The following SNTG2 variants were observed in gnomAD, a reference collection of about 807,000 sequenced individuals.
The protein encoded by SNTG2 is gamma-2-syntrophin.
SNTG2 carries 74 observed loss-of-function variants against 70.9 expected under a neutral mutation model. That is an observed-to-expected ratio of 1.04 (90% CI 0.86 to 1.27). The LOEUF (loss-of-function observed/expected upper bound fraction) is 1.27, where lower values mean the gene tolerates loss of function less well. Among genes scored for constraint, SNTG2 ranks in the 50% most tolerant of loss-of-function variants. The pLI, the probability that SNTG2 is intolerant of heterozygous loss-of-function variation, is 0.00. For synonymous variants in SNTG2, 278 were observed against 273.8 expected (o/e 1.02, Z -0.15); for missense variants, 717 against 690.7 (o/e 1.04, Z -0.43).
intron 16 of SNTG2, among the ~76,000 whole-genome samples, chr2:1,347,972 C>CTT (rs757179638): frequency 1.4e-4 from 21 of 145,920 alleles, no homozygotes; most frequent in African/African-American, 4.0e-4. Context: ...GAAACTGCCT[C>CTT]TTTTTTTTTT....
At chr2:1,127,909 A>G (rs34767833) in intron 4 of SNTG2, among the ~76,000 whole-genome samples, 3,033 of 152,262 alleles carry the variant, frequency 0.02, 50 homozygotes, top group Non-Finnish European at 0.034. Flanking sequence ...AAAAGGGACA[A>G]TTTGACTTCC....
intron 1 of SNTG2, among the ~76,000 whole-genome samples, chr2:1,024,451 C>T (rs1660365122): frequency 6.6e-6 from 1 of 152,134 alleles, no homozygotes; most frequent in Non-Finnish European, 1.5e-5. Context: ...CTCACTGTAG[C>T]CTTGGCCACC....
intron 4 of SNTG2, among the ~76,000 whole-genome samples, chr2:1,132,161 A>G (rs1186020988): frequency 1.3e-5 from 2 of 151,404 alleles, no homozygotes; most frequent in Non-Finnish European, 2.9e-5. Context: ...ATAAAATTAG[A>G]GCTTATTTAA....
rs534174083 is a variant in SNTG2, at chr2:970,828, C to T, written c.72+19760C>T. On this transcript the variant is annotated intron_variant, in intron 1 of 16. Coordinates refer to ENST00000308624, the MANE Select transcript of SNTG2 (RefSeq NM_018968.4). ...CAAATGGTATTTCTAGTTCTAGATC[C>T]CTGAGGAATCGCCATGAACAGACAC... 6.6e-5 allele frequency among the ~76,000 whole-genome samples: 10 copies of T among 152,098 alleles called. No homozygotes were observed. In the South Asian group the frequency reaches 2.1e-3, roughly 32 times the overall value.
intron 13 of SNTG2, among the ~76,000 whole-genome samples, chr2:1,266,356 G>T (rs1005782003): frequency 6.6e-6 from 1 of 152,216 alleles, no homozygotes; most frequent in East Asian, 1.9e-4. Context: ...ATGGGGGAAA[G>T]AAGTGGGGAG....
chr2:1,195,314 A>G (rs1379837912), intron 8 of SNTG2, among the ~76,000 whole-genome samples: 2 of 151,936 alleles, frequency 1.3e-5, no homozygotes, highest in African/African-American at 2.4e-5. Flanking sequence ...CTGTCTTCAC[A>G]ATGGTTGAAC....
intron 6 of SNTG2, among the ~76,000 whole-genome samples, chr2:1,149,293 G>C (rs1669310003): frequency 1.3e-5 from 2 of 152,086 alleles, no homozygotes; most frequent in African/African-American, 4.8e-5. Context: ...TGTGGAGGTT[G>C]CAGCTCTGGG....
intron 9 of SNTG2, among the ~76,000 whole-genome samples, chr2:1,228,901 C>T (rs753013660): frequency 2.2e-4 from 33 of 152,034 alleles, no homozygotes; most frequent in Non-Finnish European, 4.4e-4. Context: ...TTCGTGGTCT[C>T]GCTGGCTCAG....
chr2:1,356,983 G>A (rs767486212), intron 16 of SNTG2, among the ~76,000 whole-genome samples: 14 of 151,586 alleles, frequency 9.2e-5, no homozygotes, highest in South Asian at 4.2e-4. Context: ...TTGTTAGTGC[G>A]TAGAAATGCA....
chr2:1,259,018 T>A (rs1270407747), intron 12 of SNTG2, among the ~76,000 whole-genome samples: 1 of 152,252 alleles, frequency 6.6e-6, no homozygotes, highest in African/African-American at 2.4e-5. Context: ...AATTAATCCC[T>A]AATTTAATCT....
intron 1 of SNTG2, among the ~76,000 whole-genome samples, chr2:953,503 T>C (rs1417917335): frequency 6.6e-6 from 1 of 152,242 alleles, no homozygotes; most frequent in Non-Finnish European, 1.5e-5. Context: ...ATCATCTGTT[T>C]ACAGATGTGA....
chr2:1,237,918 C>G lies in SNTG2; in HGVS notation c.750C>G (p.Asp250Glu). 6.2e-7 allele frequency: 1 copy of G among 1,606,048 alleles called. No homozygotes were observed. ...RWNAFEVLAL[D>E]GVSSGILRFY... ...ATGCGTTCGAGGTGCTCGCCCTGGACGGAGTCAGCTCTGGGATCCTCCGGT... is the reference window on the plus strand; with the variant it reads ...ATGCGTTCGAGGTGCTCGCCCTGGAGGGAGTCAGCTCTGGGATCCTCCGGT... Residue 250 changes from aspartate to glutamate, a missense_variant, in exon 10 of 17, where the codon GAC becomes GAG. Coordinates refer to ENST00000308624, the MANE Select transcript of SNTG2 (RefSeq NM_018968.4).
chr2:1,133,211 T>G (rs531743310), intron 4 of SNTG2, among the ~76,000 whole-genome samples: 1 of 152,352 alleles, frequency 6.6e-6, no homozygotes, highest in East Asian at 1.9e-4. Flanking sequence ...TAATAAAATC[T>G]AACTCAGTTA....
intron 10 of SNTG2, among the ~76,000 whole-genome samples, chr2:1,239,309 C>T (rs892961378): frequency 1.3e-5 from 2 of 152,162 alleles, no homozygotes; most frequent in Non-Finnish European, 2.9e-5. Flanking sequence ...CCTCCACTTC[C>T]TCGGTGAAAT....
At chr2:1,023,297 G>A (rs7589320) in intron 1 of SNTG2, among the ~76,000 whole-genome samples, 6,544 of 152,166 alleles carry the variant, frequency 0.043, 239 homozygotes, top group African/African-American at 0.096. Flanking sequence ...TCCTTCTCTT[G>A]GCAGCAGTAG....
At chr2:951,914 A>C (rs1659982481) in intron 1 of SNTG2, among the ~76,000 whole-genome samples, 1 of 152,196 alleles carries the variant, frequency 6.6e-6, no homozygotes, top group Admixed American at 6.5e-5. Flanking sequence ...GACCAGGAAT[A>C]CAGTTAGCCC....
chr2:1,180,737 T>C (rs1385471602), intron 8 of SNTG2, among the ~76,000 whole-genome samples: 1 of 151,632 alleles, frequency 6.6e-6, no homozygotes, highest in Non-Finnish European at 1.5e-5. Flanking sequence ...CAAAGGATTA[T>C]AAATCATGCT....
intron 9 of SNTG2, among the ~76,000 whole-genome samples, chr2:1,222,019 CTG>C (rs1572773203): frequency 2.9e-5 from 3 of 103,980 alleles, no homozygotes; most frequent in South Asian, 3.3e-4. Context: ...CTGTCTCTCT[CTG>C]TCTCTGCCTA....
chr2:983,744 G>A (rs1039462866), intron 1 of SNTG2, among the ~76,000 whole-genome samples: 1 of 152,180 alleles, frequency 6.6e-6, no homozygotes, highest in African/African-American at 2.4e-5. Context: ...TTAGAAATTG[G>A]TCCAGAATAT....
Sources: allele counts gnomAD v4.1 joint callset (sites outside exome capture counted in the v4.1 genomes callset), GRCh38; gene constraint gnomAD v4.1.1; transcripts MANE v1.5; gene names NCBI Gene and HGNC (gene_info 2026-07-23, HGNC 2026-07-21).